The following GON4L variants were observed in gnomAD, a reference collection of about 807,000 sequenced individuals.
The protein encoded by GON4L is gon-4 like, also known as GON-4-like protein.
Under a neutral mutation model 211.8 loss-of-function variants are expected in GON4L, and 87 were observed. That is an observed-to-expected ratio of 0.41 (90% CI 0.35 to 0.49). GON4L has a LOEUF of 0.49. Among genes scored for constraint, GON4L ranks in the 20% least tolerant of loss-of-function variants. GON4L has a pLI of 0.15. For synonymous variants in GON4L, 875 were observed against 962.6 expected, an observed-to-expected ratio of 0.91 and a Z score of 1.68; for missense variants, 2,155 against 2,659.5, an observed-to-expected ratio of 0.81 and a Z score of 4.17.
In GON4L at chr1:155,785,215, A is replaced by G. The variant is rs1017763666; in HGVS notation, c.1788+119T>C. On this transcript the variant is annotated intron_variant, in intron 13 of 31. Transcript: ENST00000368331. ...TATATTCTTTCCCAGGTAGACTAAA[A>G]GGAGAATTGGTTCAGTCAGACCCCC... is the stretch of plus-strand genomic sequence containing the variant. 12 of 786,716 alleles carry G rather than the reference A, an allele frequency of 1.5e-5. No individual in the cohort carries two copies. The Admixed American group carries it at 2.1e-4, about 13-fold the overall frequency. 48.7% of individuals were successfully genotyped at this position (786,716 alleles called of 1,614,324 possible).
intron 2 of GON4L, among the ~76,000 whole-genome samples, chr1:155,850,188 A>G (rs2102483888): frequency 1.3e-5 from 2 of 152,312 alleles, no homozygotes; most frequent in Non-Finnish European, 2.9e-5. Flanking sequence ...AACTATGTGC[A>G]GGACAATGTC....
chr1:155,803,446 T>G (rs2102065656), intron 11 of GON4L, among the ~76,000 whole-genome samples: 1 of 152,120 alleles, frequency 6.6e-6, no homozygotes, highest in African/African-American at 2.4e-5. Flanking sequence ...GGTTTCACCC[T>G]GTTGGCCAGG....
At chr1:155,756,885 C>T (rs1204733493) in intron 27 of GON4L, 73 bp downstream of exon 27, 70 of 1,134,112 alleles carry the variant, frequency 6.2e-5, no homozygotes, top group African/African-American at 3.8e-4. Flanking sequence ...GCCAAGATTA[C>T]GCCACTGCAC....
In GON4L at chr1:155,765,853, A is replaced by G. The variant is rs1358432022; in HGVS notation, c.3620T>C (p.Ile1207Thr). ...SLVASSVSPL[I>T]VSGNSVNLPI... ...AAGATTCACAGAATTGCCAGAAACA[A>G]TTAAGGGTGAGACAGAGGAGGCCAC... Residue 1207 changes from isoleucine to threonine, a missense_variant, in exon 21 of 32, where the codon ATT (isoleucine) becomes ACT (threonine). Ile to Thr is a moderately conservative substitution (Grantham distance 89). This residue lies in a region of GON4L where 615 missense variants were observed against 625.7 expected (regional missense o/e 0.98). Coordinates refer to ENST00000368331, the MANE Select transcript of GON4L (RefSeq NM_001282860.2). 6.2e-7 allele frequency: 1 copy of G among 1,614,174 alleles called. No individual in the cohort carries two copies. The highest frequency in any genetic ancestry group is 8.5e-7 in the Non-Finnish European group (1 of 1,180,024).
chr1:155,767,303 G>C, intron 20 of GON4L, 122 bp downstream of exon 20: 1 of 1,600,080 alleles, frequency 6.2e-7, no homozygotes, highest in Non-Finnish European at 8.5e-7. Context: ...GGTGAATCAG[G>C]AAGATTTCTA....
intron 9 of GON4L, 131 bp from the exon 10 acceptor site, chr1:155,813,935 A>C: frequency 1.4e-6 from 1 of 729,684 alleles, no homozygotes; most frequent in Non-Finnish European, 2.3e-6. Context: ...TTCTCTAGTT[A>C]GAGTTACATA....
downstream of GON4L, chr1:155,747,976 G>C: frequency 6.3e-7 from 1 of 1,580,640 alleles, no homozygotes. Context: ...TTCTTTACGA[G>C]GAGGCCCAGA....
At chr1:155,810,175 T>G (rs1667615760) in intron 10 of GON4L, among the ~76,000 whole-genome samples, 1 of 150,584 alleles carries the variant, frequency 6.6e-6, no homozygotes, top group Non-Finnish European at 1.5e-5. Flanking sequence ...TTTGTATTTT[T>G]AGTGGAGACG....
chr1:155,820,769 CA>C lies in GON4L; in HGVS notation c.964-114del, dbSNP rs893004289. 70 of 789,880 alleles carry C rather than the reference CA, an allele frequency of 8.9e-5. 1 individual carries two copies. Among genetic ancestry groups the C allele is most frequent in the Non-Finnish European group, 1.4e-4 (66 of 456,076 alleles). The allele number at this position is 789,880 out of a possible 1,614,324, so 48.9% of individuals were successfully genotyped here. On this transcript the variant is annotated intron_variant, in intron 5 of 31. Transcript: ENST00000368331. The stretch of plus-strand genomic sequence containing the variant: ...GCCAAGGTGGGAGGATGGCTTGAGG[CA>C]AGGAGTTTGAGACCAGCCTGAGCAA...
Position 155,804,953 on chromosome 1 carries a change from A to G in GON4L, c.1641T>C (p.Asn547=). The change falls in exon 11 of 32, where the codon AAT becomes AAC. Residue 547 remains asparagine (N), a synonymous_variant. Transcript: ENST00000368331. ...AAATCACAAACCAAAACTTACCTTCATTCCCCACATCATCATTCATAAGTC... is the reference window on the plus strand; with the variant it reads ...AAATCACAAACCAAAACTTACCTTCGTTCCCCACATCATCATTCATAAGTC... ...LGGLMNDDVG[N]EDEADDDDDP... is the part of the protein sequence containing the mutation. 1 of 1,612,756 alleles carries G rather than the reference A, an allele frequency of 6.2e-7. No homozygotes were observed. The highest frequency in any genetic ancestry group is 1.1e-5 in the South Asian group (1 of 91,048).
At chr1:155,842,543 A>C (rs1407038766) in intron 2 of GON4L, among the ~76,000 whole-genome samples, 3 of 148,498 alleles carry the variant, frequency 2.0e-5, no homozygotes, top group Non-Finnish European at 4.5e-5. Context: ...AAAAAAAAAA[A>C]AAAACTTGGA....
At chr1:155,769,788 T>C (rs561088436) in intron 19 of GON4L, among the ~76,000 whole-genome samples, 4 of 151,964 alleles carry the variant, frequency 2.6e-5, no homozygotes, top group South Asian at 4.2e-4. Context: ...CTAACCAAAA[T>C]TGTGACATAA....
chr1:155,838,799 T>G (rs968741013), intron 2 of GON4L, among the ~76,000 whole-genome samples: 23 of 149,658 alleles, frequency 1.5e-4, no homozygotes, highest in African/African-American at 5.6e-4. Flanking sequence ...AAATTATAAA[T>G]AATAATAATA....
chr1:155,848,282 CAT>C (rs1671444180), intron 2 of GON4L, among the ~76,000 whole-genome samples: 2 of 151,996 alleles, frequency 1.3e-5, no homozygotes, highest in Admixed American at 1.3e-4. Context: ...AATCTGAACT[CAT>C]ATTCAAACTC....
intron 7 of GON4L, 59 bp downstream of exon 7, chr1:155,816,153 G>T: frequency 1.2e-6 from 1 of 865,918 alleles, no homozygotes; most frequent in Non-Finnish European, 1.9e-6. Flanking sequence ...AAGTACTTAA[G>T]TTTCAAAACC....
intron 2 of GON4L, among the ~76,000 whole-genome samples, chr1:155,829,251 A>C (rs1021554723): frequency 5.3e-5 from 8 of 152,146 alleles, no homozygotes; most frequent in Non-Finnish European, 8.8e-5. Flanking sequence ...TTGCCTCCTA[A>C]AAGTGAGTAG....
rs760232823 is a variant in GON4L at position 155,826,902 on chromosome 1, G to A, written c.632C>T (p.Pro211Leu). 37 of 1,613,578 alleles carry A rather than the reference G, an allele frequency of 2.3e-5. No individual in the cohort carries two copies. The highest frequency in any genetic ancestry group is 3.0e-5 in the Non-Finnish European group (35 of 1,179,596). ...PDVCASPQEK[P>L]LRTLFHQPEE... ...AGGTTGGTGAAACAGAGTCCTGAGT[G>A]GCTTTTCTTGAGGAGAGGCACAAAC... Residue 211 changes from proline to leucine, a missense_variant, in exon 3 of 32, where the codon CCA (proline) becomes CTA (leucine). By Grantham distance (98) the Pro-to-Leu change is moderately conservative. Coordinates refer to ENST00000368331, the MANE Select transcript of GON4L (RefSeq NM_001282860.2).
At chr1:155,820,460 T>C in intron 6 of GON4L, 146 bp downstream of exon 6, 3 of 681,668 alleles carry the variant, frequency 4.4e-6, no homozygotes, top group Non-Finnish European at 8.0e-6. Context: ...TATGATCATG[T>C]AGAAACAATT....
At chr1:155,838,004 C>G (rs1670464562) in intron 2 of GON4L, among the ~76,000 whole-genome samples, 1 of 152,110 alleles carries the variant, frequency 6.6e-6, no homozygotes. Flanking sequence ...TCGCTCACAC[C>G]TCCCAACCTT....
Sources: gnomAD v4.1 joint callset for allele counts (sites outside exome capture counted in the v4.1 genomes callset) on GRCh38, gnomAD v4.1.1 for gene constraint, gnomAD v4.1.1 regional missense constraint, MANE v1.5 for transcripts, NCBI Gene and HGNC (gene_info 2026-07-23, HGNC 2026-07-21) for gene names.